The following FBXW7 variants were observed in gnomAD, a reference collection of about 807,000 sequenced individuals.
FBXW7 encodes the protein F-box and WD repeat domain containing 7, also known as F-box/WD repeat-containing protein 7.
In FBXW7, 11 loss-of-function variants were observed where a neutral mutation model predicts 86.3. The ratio of observed to expected loss-of-function variants is 0.13; its 90% CI spans 0.08 to 0.21. The LOEUF (loss-of-function observed/expected upper bound fraction) is 0.21, where lower values mean the gene tolerates loss of function less well. Ranked by LOEUF, FBXW7 falls within the 10% of genes least tolerant of loss-of-function variation. FBXW7 has a pLI of 1.00. For synonymous variants in FBXW7, 313 were observed against 297.9 expected (o/e 1.05, Z -0.52); for missense variants, 488 against 847.4 (o/e 0.58, Z 5.27).
intron 2 of FBXW7, among the ~76,000 whole-genome samples, chr4:152,431,343 A>G (rs1739873047): frequency 6.6e-6 from 1 of 152,224 alleles, no homozygotes; most frequent in Admixed American, 6.5e-5. Flanking sequence ...GAGCAACAGC[A>G]CAACAGTGGG....
chr4:152,436,914 C>A (rs572288796), intron 2 of FBXW7, among the ~76,000 whole-genome samples: 2 of 152,168 alleles, frequency 1.3e-5, no homozygotes. Flanking sequence ...GACAACGAAC[C>A]TGGTCACCCA....
intron 4 of FBXW7, among the ~76,000 whole-genome samples, chr4:152,375,685 T>A (rs186875467): frequency 6.6e-6 from 1 of 152,242 alleles, no homozygotes; most frequent in Admixed American, 6.5e-5. Flanking sequence ...TGATACAGTA[T>A]CAGCTAAGTA....
At chr4:152,467,386 G>A (rs1220121924) in intron 2 of FBXW7, among the ~76,000 whole-genome samples, 3 of 152,196 alleles carry the variant, frequency 2.0e-5, no homozygotes, top group Non-Finnish European at 4.4e-5. Context: ...CTGAGGAACT[G>A]TGAGTCAATT....
intron 4 of FBXW7, among the ~76,000 whole-genome samples, chr4:152,406,753 T>G (rs1396204631): frequency 1.3e-5 from 2 of 152,214 alleles, no homozygotes; most frequent in Non-Finnish European, 2.9e-5. Context: ...CTATTTTTAT[T>G]GAAGATGGGC....
chr4:152,425,756 G>C (rs1041022770), intron 2 of FBXW7, among the ~76,000 whole-genome samples: 1 of 152,142 alleles, frequency 6.6e-6, no homozygotes, highest in Non-Finnish European at 1.5e-5. Context: ...GAAACCTTGG[G>C]TTTCTAACTT....
intron 2 of FBXW7, chr4:152,530,680 C>G (rs763654870): frequency 1.3e-5 from 2 of 152,184 alleles, no homozygotes; most frequent in African/African-American, 2.4e-5. Context: ...ATCTAGAAAA[C>G]AAAGACCACC....
intron 7 of FBXW7, 115 bp downstream of exon 7, chr4:152,337,687 G>A (rs1730275219): frequency 1.9e-6 from 2 of 1,057,610 alleles, no homozygotes; most frequent in Admixed American, 5.1e-5. Flanking sequence ...CTAATTAAGA[G>A]TGTCAAACTG....
chr4:152,395,903 C>A (rs1303006335), intron 4 of FBXW7, among the ~76,000 whole-genome samples: 1 of 151,990 alleles, frequency 6.6e-6, no homozygotes. Context: ...TTTGCAAAAT[C>A]TGGACACCAA....
chr4:152,341,823 G>A (rs114040392), intron 6 of FBXW7, among the ~76,000 whole-genome samples: 92 of 152,216 alleles, frequency 6.0e-4, no homozygotes, highest in African/African-American at 1.5e-3. Context: ...GTGTGTGTGC[G>A]CGCGCATGCA....
chr4:152,322,648 A>G lies in FBXW7; in HGVS notation c.*233T>C. On this transcript the variant is annotated 3_prime_UTR_variant, in exon 14 of 14. Transcript: ENST00000281708. ...GCAAAGCTGCCCTCAGTCAAAAGTG[A>G]AGCCTTTTATGTGATGAGACAGCAG... 1.7e-6 allele frequency: 1 copy of G among 593,790 alleles called. No homozygotes were observed. Among genetic ancestry groups the G allele is most frequent in the Non-Finnish European group, 2.7e-6 (1 of 372,106 alleles). 36.8% of individuals were successfully genotyped at this position (593,790 alleles called of 1,614,324 possible).
intron 4 of FBXW7, among the ~76,000 whole-genome samples, chr4:152,390,894 CAGA>C (rs1735942574): frequency 6.6e-6 from 1 of 151,722 alleles, no homozygotes; most frequent in South Asian, 2.1e-4. Context: ...AGCTATAATG[CAGA>C]AGGCTCAACC....
chr4:152,329,615 C>T (rs1296102247), intron 10 of FBXW7, 57 bp downstream of exon 10: 3 of 810,020 alleles, frequency 3.7e-6, no homozygotes, highest in South Asian at 4.2e-5. Flanking sequence ...CCAGTTGCTA[C>T]TTGCAATGAT....
chr4:152,456,291 A>G (rs990645464), intron 2 of FBXW7, among the ~76,000 whole-genome samples: 2 of 143,618 alleles, frequency 1.4e-5, no homozygotes, highest in Admixed American at 7.0e-5. Context: ...AAGTGGAAGG[A>G]TGGCTTGAGG....
chr4:152,471,892 C>T (rs572452463), intron 2 of FBXW7, among the ~76,000 whole-genome samples: 1 of 151,602 alleles, frequency 6.6e-6, no homozygotes, highest in African/African-American at 2.4e-5. Flanking sequence ...AGAGTGAGAC[C>T]CTGTCTCTTA....
chr4:152,368,447 A>G (rs928648851), intron 4 of FBXW7, among the ~76,000 whole-genome samples: 8 of 152,164 alleles, frequency 5.3e-5, no homozygotes, highest in African/African-American at 1.9e-4. Flanking sequence ...ATTTCTGTAT[A>G]ACACAGAAAT....
At chr4:152,387,413 C>A (rs1252003219) in intron 4 of FBXW7, among the ~76,000 whole-genome samples, 2 of 151,958 alleles carry the variant, frequency 1.3e-5, no homozygotes, top group African/African-American at 4.8e-5. Context: ...ATTTTATCTA[C>A]CAAATCAGTT....
intron 2 of FBXW7, among the ~76,000 whole-genome samples, chr4:152,488,375 A>G (rs553814305): frequency 1.3e-5 from 2 of 152,080 alleles, no homozygotes; most frequent in African/African-American, 4.8e-5. Context: ...CTTTCACTTC[A>G]CTTGTCTAAC....
chr4:152,503,679 T>C (rs1254879986), intron 2 of FBXW7, among the ~76,000 whole-genome samples: 1 of 151,618 alleles, frequency 6.6e-6, no homozygotes, highest in Non-Finnish European at 1.5e-5. Context: ...GTGGCATAGA[T>C]ATTTTTTAAT....
At chr4:152,366,727 G>A (rs1468245534) in intron 4 of FBXW7, among the ~76,000 whole-genome samples, 3 of 152,070 alleles carry the variant, frequency 2.0e-5, no homozygotes, top group South Asian at 2.1e-4. Flanking sequence ...ACAGTGTGGC[G>A]ATTCTTCAAG....
Sources: gnomAD v4.1 joint callset for allele counts (sites outside exome capture counted in the v4.1 genomes callset) on GRCh38, gnomAD v4.1.1 for gene constraint, MANE v1.5 for transcripts, NCBI Gene and HGNC (gene_info 2026-07-23, HGNC 2026-07-21) for gene names.